The following NELL1 variants were observed in gnomAD, a reference collection of about 807,000 sequenced individuals.
NELL1 encodes protein kinase C-binding protein NELL1.
A neutral mutation model predicts 107.4 loss-of-function variants in NELL1; 76 were observed. The observed-to-expected ratio is 0.71, with a 90% CI of 0.59 to 0.86. The LOEUF (loss-of-function observed/expected upper bound fraction) is 0.86, where lower values mean the gene tolerates loss of function less well. NELL1 is among the 40% of genes least tolerant of loss of function. The pLI is 0.00. For missense variants in NELL1, 1,024 were observed against 1,005.5 expected (o/e 1.02, Z -0.25); for synonymous variants, 353 against 341.2 (o/e 1.03, Z -0.38).
chr11:20,789,830 G>C (rs369022338), intron 3 of NELL1, among the ~76,000 whole-genome samples: 2 of 152,130 alleles, frequency 1.3e-5, no homozygotes, highest in East Asian at 1.9e-4. Flanking sequence ...CTGCAGGCAG[G>C]TCCTGCTGTT....
intron 16 of NELL1, among the ~76,000 whole-genome samples, chr11:21,553,143 C>T (rs1451938487): frequency 6.6e-6 from 1 of 151,734 alleles, no homozygotes; most frequent in Non-Finnish European, 1.5e-5. Flanking sequence ...AAGACCTTTC[C>T]TTGGCACAGA....
chr11:21,492,474 T>C (rs1371744698), intron 15 of NELL1, among the ~76,000 whole-genome samples: 1 of 151,704 alleles, frequency 6.6e-6, no homozygotes, highest in Admixed American at 6.6e-5. Context: ...CTATTCACAA[T>C]AGCAAAGACT....
intron 4 of NELL1, among the ~76,000 whole-genome samples, chr11:20,863,295 ACGGGGCAGC>A (rs1313144018): frequency 3.3e-4 from 44 of 132,870 alleles, no homozygotes; most frequent in African/African-American, 1.2e-3. Flanking sequence ...TCCCTCCCGG[ACGGGGCAGC>A]TGGCCAGGCA....
chr11:20,770,143 T>C (rs1194717527), intron 2 of NELL1, among the ~76,000 whole-genome samples: 1 of 152,158 alleles, frequency 6.6e-6, no homozygotes, highest in East Asian at 1.9e-4. Context: ...CTTCAGTAAA[T>C]GAGGATTATC....
At chr11:21,123,479 T>A (rs1370566112) in intron 13 of NELL1, among the ~76,000 whole-genome samples, 1 of 152,114 alleles carries the variant, frequency 6.6e-6, no homozygotes, top group Non-Finnish European at 1.5e-5. Flanking sequence ...GAAAATTAGA[T>A]AGCAGTTATA....
intron 14 of NELL1, among the ~76,000 whole-genome samples, chr11:21,301,907 C>A (rs938535104): frequency 2.0e-5 from 3 of 151,960 alleles, no homozygotes; most frequent in Non-Finnish European, 4.4e-5. Context: ...TTCTGTAAGG[C>A]AGGTGTCATT....
chr11:20,745,469 C>T (rs898644261), intron 2 of NELL1, among the ~76,000 whole-genome samples: 2 of 152,122 alleles, frequency 1.3e-5, no homozygotes, highest in African/African-American at 2.4e-5. Flanking sequence ...CTCAAAATTG[C>T]GGGCTTTACC....
At chr11:20,942,439 C>T (rs2134192482) in intron 10 of NELL1, among the ~76,000 whole-genome samples, 1 of 152,132 alleles carries the variant, frequency 6.6e-6, no homozygotes, top group Non-Finnish European at 1.5e-5. Context: ...TTAATGATCT[C>T]TTGACTGACA....
chr11:21,488,318 T>A (rs540782330), intron 15 of NELL1, among the ~76,000 whole-genome samples: 249 of 152,142 alleles, frequency 1.6e-3, no homozygotes, highest in African/African-American at 5.7e-3. Context: ...AGAAATAAAC[T>A]TCTTCTATTT....
chr11:20,725,222 A>T (rs12280916), intron 2 of NELL1, among the ~76,000 whole-genome samples: 29,617 of 152,068 alleles, frequency 0.19, 3,045 homozygotes, highest in East Asian at 0.34. Context: ...AGGGAGAAAA[A>T]TTCATCTGTT....
chr11:21,022,270 G>A (rs1472280391), intron 12 of NELL1, among the ~76,000 whole-genome samples: 1 of 151,968 alleles, frequency 6.6e-6, no homozygotes, highest in African/African-American at 2.4e-5. Context: ...GATTTGCTCA[G>A]GCAACTCCTG....
At chr11:21,192,121 T>C (rs529894015) in intron 13 of NELL1, among the ~76,000 whole-genome samples, 1 of 152,040 alleles carries the variant, frequency 6.6e-6, no homozygotes, top group Non-Finnish European at 1.5e-5. Flanking sequence ...ATAATTATGG[T>C]TCTTTATTTC....
Position 21,328,769 on chromosome 11 carries a change from A to T in NELL1, c.1550-42084A>T, listed in dbSNP as rs376326544. Among the ~76,000 whole-genome samples, 548 of 152,324 alleles carry T rather than the reference A, an allele frequency of 3.6e-3. 11 individuals are homozygous for T. In the South Asian group the frequency reaches 0.054, roughly 15 times the overall value. ...CATCAGCATGACCTGGATGTGAGAC[A>T]TGGAGTCAAAAGACATCATTTTGAA... On this transcript the variant is annotated intron_variant, in intron 14 of 19. Transcript: ENST00000357134.
intron 4 of NELL1, among the ~76,000 whole-genome samples, chr11:20,869,977 G>A (rs1300164412): frequency 6.6e-6 from 1 of 152,182 alleles, no homozygotes; most frequent in Non-Finnish European, 1.5e-5. Flanking sequence ...TGGACATAAG[G>A]AAAAGGATGT....
In NELL1 at chr11:21,361,347, A is replaced by G. The variant is rs1049202500; in HGVS notation, c.1550-9506A>G. 2.1e-5 allele frequency among the ~76,000 whole-genome samples: 3 copies of G among 145,064 alleles called. No individual in the cohort carries two copies. The South Asian group carries it at 6.4e-4, about 31-fold the overall frequency. ...TCTTGCTTGTAAGGTTTCTGCTGAG[A>G]CGTCTGCTATTAATCTGATAGATTT... On this transcript the variant is annotated intron_variant, in intron 14 of 19. Coordinates refer to ENST00000357134, the MANE Select transcript of NELL1 (RefSeq NM_006157.5).
At chr11:20,983,295 T>G (rs1174491159) in intron 12 of NELL1, among the ~76,000 whole-genome samples, 1 of 152,130 alleles carries the variant, frequency 6.6e-6, no homozygotes, top group Non-Finnish European at 1.5e-5. Flanking sequence ...GATGATGGAG[T>G]GCCTTAAGGC....
chr11:20,727,810 C>T (rs1010712526), intron 2 of NELL1, among the ~76,000 whole-genome samples: 1 of 152,128 alleles, frequency 6.6e-6, no homozygotes, highest in African/African-American at 2.4e-5. Context: ...CAGCTTTCTA[C>T]ATATGGCTAG....
At chr11:21,134,421 C>T (rs1474610674) in intron 13 of NELL1, among the ~76,000 whole-genome samples, 4 of 152,110 alleles carry the variant, frequency 2.6e-5, no homozygotes, top group African/African-American at 7.2e-5. Context: ...GTTTAGGCAT[C>T]TTCTCTTTGG....
intron 15 of NELL1, among the ~76,000 whole-genome samples, chr11:21,387,359 C>G (rs985443164): frequency 2.0e-5 from 3 of 151,822 alleles, no homozygotes; most frequent in Non-Finnish European, 4.4e-5. Flanking sequence ...GTCTCTTCCT[C>G]CCACTTGATG....
Sources: allele counts gnomAD v4.1 joint callset (sites outside exome capture counted in the v4.1 genomes callset), GRCh38; gene constraint gnomAD v4.1.1; transcripts MANE v1.5; gene names NCBI Gene and HGNC (gene_info 2026-07-23, HGNC 2026-07-21).